Variants in SASS6 observed in about 807,000 individuals in gnomAD.
SASS6 encodes SAS-6 centriolar assembly protein, also known as spindle assembly abnormal protein 6 homolog.
Under a neutral mutation model 94.9 loss-of-function variants are expected in SASS6, and 59 were observed. The ratio of observed to expected loss-of-function variants is 0.62; its 90% confidence interval spans 0.50 to 0.77. The LOEUF (loss-of-function observed/expected upper bound fraction) is 0.77. Ranked by LOEUF, SASS6 falls within the 30% of genes least tolerant of loss-of-function variation. SASS6 has a pLI of 0.00. For synonymous variants in SASS6, 264 were observed against 270.0 expected (o/e 0.98, Z 0.22); for missense variants, 698 against 734.1 (o/e 0.95, Z 0.57).
At chr1:100,093,352 T>C (rs1651886754) in intron 14 of SASS6, among the ~76,000 whole-genome samples, 1 of 151,998 alleles carries the variant, frequency 6.6e-6, no homozygotes, top group African/African-American at 2.4e-5. Context: ...GCCAAAATAT[T>C]TTCTAATTTC....
intron 1 of SASS6, among the ~76,000 whole-genome samples, chr1:100,127,940 G>C (rs1654740237): frequency 1.3e-5 from 2 of 152,312 alleles, no homozygotes; most frequent in African/African-American, 4.8e-5. Flanking sequence ...TTCATCTTCT[G>C]AAGTTTTCTC....
intron 7 of SASS6, among the ~76,000 whole-genome samples, chr1:100,116,376 G>A (rs1242968171): frequency 6.6e-6 from 1 of 152,120 alleles, no homozygotes; most frequent in African/African-American, 2.4e-5. Context: ...TGATAAATAT[G>A]TATATGAAGA....
chr1:100,095,775 T>C (rs1200629902), intron 14 of SASS6, among the ~76,000 whole-genome samples: 2 of 152,112 alleles, frequency 1.3e-5, no homozygotes, highest in Non-Finnish European at 2.9e-5. Context: ...TACACATCAA[T>C]GAATATTCTG....
At position 100,118,952 on chromosome 1, in the gene SASS6, T is replaced by C. The variant is rs1385957566; in HGVS notation, c.669+66A>G. Reference sequence around the variant, plus strand: ...AAATTTAAAGCAAGCATATATTACTTTTAAAATTAACAAAATGACTAACAG... The same window carrying C: ...AAATTTAAAGCAAGCATATATTACTCTTAAAATTAACAAAATGACTAACAG... On this transcript the variant is annotated intron_variant, in intron 7 of 16. Transcript: ENST00000287482. The C allele has an allele frequency of 5.2e-5, 64 of 1,238,742 alleles. No homozygotes were observed. The Admixed American group carries it at 1.5e-3, about 30-fold the overall frequency. The allele number at this position is 1,238,742 out of a possible 1,614,324, so 76.7% of individuals were successfully genotyped here.
At chr1:100,119,165 A>C (rs1318797419) in intron 6 of SASS6, 28 bp from the exon 7 acceptor site, 1 of 1,299,880 alleles carries the variant, frequency 7.7e-7, no homozygotes, top group Non-Finnish European at 1.1e-6. Flanking sequence ...ACAAAATATT[A>C]AGATAGGCTC....
intron 14 of SASS6, among the ~76,000 whole-genome samples, chr1:100,100,039 G>A (rs1032404095): frequency 1.3e-5 from 2 of 152,160 alleles, no homozygotes; most frequent in Non-Finnish European, 2.9e-5. Context: ...GCCGAGGCAG[G>A]TGGATCACTT....
At chr1:100,115,047 A>G (rs1413235567) in intron 7 of SASS6, among the ~76,000 whole-genome samples, 1 of 152,180 alleles carries the variant, frequency 6.6e-6, no homozygotes, top group Non-Finnish European at 1.5e-5. Context: ...TTTACCAAAA[A>G]AGACTGGAAA....
At chr1:100,125,700 G>A (rs1209661416) in intron 2 of SASS6, among the ~76,000 whole-genome samples, 182 bp downstream of exon 2, 4 of 147,686 alleles carry the variant, frequency 2.7e-5, no homozygotes, top group Non-Finnish European at 4.5e-5. Context: ...GAAATATATA[G>A]TATAATTATC....
chr1:100,093,184 T>C (rs1051334693), intron 14 of SASS6, among the ~76,000 whole-genome samples: 2 of 139,954 alleles, frequency 1.4e-5, no homozygotes, highest in Non-Finnish European at 3.1e-5. Context: ...CTTTTTTTTT[T>C]TTTTTTTTTT....
In SASS6 at chr1:100,122,549, C is replaced by CTT. The variant is rs71075469; in HGVS notation, c.207-67_207-66dup. 0.079 allele frequency: 17,514 copies of CTT among 222,266 alleles called. 662 individuals are homozygous for CTT. The highest frequency in any genetic ancestry group is 0.13 in the African/African-American group (3,784 of 28,898). 13.8% of individuals were successfully genotyped at this position (222,266 alleles called of 1,614,324 possible). A position where few individuals can be genotyped will look rare whatever the true frequency, so the allele number is the denominator to read the frequency against. On this transcript the variant is annotated intron_variant, in intron 3 of 16. Coordinates refer to ENST00000287482, the MANE Select transcript of SASS6 (RefSeq NM_194292.3). The stretch of plus-strand genomic sequence containing the variant: ...AATTAACTTTGTTTTGTTTTGGTGC[C>CTT]TTTTTTTTTTTTTTTTTTTTTGAGA...
intron 14 of SASS6, among the ~76,000 whole-genome samples, chr1:100,100,787 A>G (rs1204996823): frequency 6.6e-6 from 1 of 152,216 alleles, no homozygotes; most frequent in Non-Finnish European, 1.5e-5. Flanking sequence ...TGTTTTAATC[A>G]ACATAGCTGC....
chr1:100,117,121 C>A (rs1192153338), intron 7 of SASS6, among the ~76,000 whole-genome samples: 1 of 151,574 alleles, frequency 6.6e-6, no homozygotes, highest in East Asian at 1.9e-4. Flanking sequence ...TGGTGAAACC[C>A]CGTCTTCACT....
At chr1:100,126,053 T>G in intron 1 of SASS6, 111 bp from the exon 2 acceptor site, 1 of 600,894 alleles carries the variant, frequency 1.7e-6, no homozygotes, top group South Asian at 2.5e-5. Context: ...ACAGGTGTTC[T>G]CTAACTTATG....
At chr1:100,113,375 G>A (rs539754524) in intron 7 of SASS6, among the ~76,000 whole-genome samples, 11 of 152,204 alleles carry the variant, frequency 7.2e-5, no homozygotes, top group African/African-American at 2.4e-4. Flanking sequence ...TTGGGAGGCT[G>A]AGGCGGGCGG....
At chr1:100,130,052 T>C (rs149671331) in intron 1 of SASS6, among the ~76,000 whole-genome samples, 12 of 152,348 alleles carry the variant, frequency 7.9e-5, no homozygotes, top group Admixed American at 7.2e-4. Flanking sequence ...AAGTAGGTAC[T>C]GTTATTACCA....
At chr1:100,107,306 A>C in intron 11 of SASS6, 68 bp downstream of exon 11, 1 of 982,082 alleles carries the variant, frequency 1.0e-6, no homozygotes, top group South Asian at 1.5e-5. Context: ...TGTTAATGTA[A>C]CAAAGCATAA....
intron 7 of SASS6, among the ~76,000 whole-genome samples, chr1:100,116,992 TA>T (rs1653838888): frequency 1.3e-5 from 2 of 152,004 alleles, no homozygotes; most frequent in Non-Finnish European, 2.9e-5. Flanking sequence ...CAATAAAATG[TA>T]ATATTAAAGA....
At chr1:100,095,461 A>G (rs1190619986) in intron 14 of SASS6, among the ~76,000 whole-genome samples, 1 of 152,234 alleles carries the variant, frequency 6.6e-6, no homozygotes, top group African/African-American at 2.4e-5. Flanking sequence ...TGAGCCTGGG[A>G]GACAGAAGTT....
At chr1:100,123,764 A>G (rs982429116) in intron 2 of SASS6, among the ~76,000 whole-genome samples, 22 of 152,370 alleles carry the variant, frequency 1.4e-4, no homozygotes, top group Admixed American at 1.4e-3. Context: ...AGACCAGGGT[A>G]TCAGGTAACA....
Sources: allele counts gnomAD v4.1 joint callset (sites outside exome capture counted in the v4.1 genomes callset), GRCh38; gene constraint gnomAD v4.1.1; transcripts MANE v1.5; gene names NCBI Gene and HGNC (gene_info 2026-07-23, HGNC 2026-07-21).